Variants in MFAP5 observed in about 807,000 individuals in gnomAD.
MFAP5 encodes microfibril associated protein 5.
A neutral mutation model predicts 30.1 loss-of-function variants in MFAP5; 19 were observed. The observed-to-expected ratio is 0.63, with a 90% CI of 0.44 to 0.93. The LOEUF (loss-of-function observed/expected upper bound fraction) is 0.93. MFAP5 is among the 40% of genes least tolerant of loss of function. The pLI is 0.00. For synonymous variants in MFAP5, 92 were observed against 72.9 expected (o/e 1.26, Z -1.33); for missense variants, 210 against 221.3 (o/e 0.95, Z 0.32).
chr12:8,656,518 G>C (rs1399218190), intron 3 of MFAP5, among the ~76,000 whole-genome samples: 1 of 117,414 alleles, frequency 8.5e-6, no homozygotes. Flanking sequence ...AGCAATTTTC[G>C]TACCTCAGCT....
intron 3 of MFAP5, among the ~76,000 whole-genome samples, chr12:8,656,682 A>G (rs1329855595): frequency 9.2e-6 from 1 of 108,402 alleles, no homozygotes; most frequent in Non-Finnish European, 1.9e-5. Context: ...TTTTTTTTTG[A>G]GACAGAGTCT....
At chr12:8,658,992 C>CTTTTT (rs71045203) in intron 3 of MFAP5, among the ~76,000 whole-genome samples, 35 of 123,716 alleles carry the variant, frequency 2.8e-4, no homozygotes, top group Non-Finnish European at 3.6e-4. Flanking sequence ...CCACACCTGG[C>CTTTTT]TTTTTTTTTT....
At chr12:8,658,072 G>A (rs1353914077) in intron 3 of MFAP5, among the ~76,000 whole-genome samples, 1 of 152,076 alleles carries the variant, frequency 6.6e-6, no homozygotes, top group Non-Finnish European at 1.5e-5. Context: ...GGTTTGGCTG[G>A]GCTTCATGGT....
chr12:8,662,510 T>A (rs1942184681), intron 1 of MFAP5, 117 bp downstream of exon 1: 1 of 215,716 alleles, frequency 4.6e-6, no homozygotes. Context: ...TTGGGAGGTC[T>A]GCTCAAGACT....
chr12:8,662,476 C>T (rs1942183771), intron 1 of MFAP5, 151 bp downstream of exon 1: 1 of 219,150 alleles, frequency 4.6e-6, no homozygotes, highest in Non-Finnish European at 9.1e-6. Context: ...CTTGGCGTCT[C>T]CTTCATCAGA....
chr12:8,651,845 A>G (rs963914114), intron 6 of MFAP5, 154 bp from the exon 7 acceptor site: 2 of 667,772 alleles, frequency 3.0e-6, no homozygotes, highest in Non-Finnish European at 5.2e-6. Context: ...GAAAACCCTT[A>G]TTGAGCTGAT....
intron 7 of MFAP5, among the ~76,000 whole-genome samples, chr12:8,651,063 A>G (rs1941825573): frequency 6.6e-6 from 1 of 152,166 alleles, no homozygotes; most frequent in African/African-American, 2.4e-5. Flanking sequence ...GCTACTCGGG[A>G]GGCTGAGGCG....
chr12:8,662,028 C>T lies in MFAP5; in HGVS notation c.58+19G>A. 6.2e-7 allele frequency: 1 copy of T among 1,612,360 alleles called. No individual in the cohort carries two copies. The highest frequency in any genetic ancestry group is 8.5e-7 in the Non-Finnish European group (1 of 1,178,990). Reference sequence around the variant, plus strand: ...GCTGAGGAGCTGAGGGTTTAGGGAGCAAAGAATAAAGGACTCACCAGAGGT... The same window carrying T: ...GCTGAGGAGCTGAGGGTTTAGGGAGTAAAGAATAAAGGACTCACCAGAGGT... On this transcript the variant is annotated intron_variant, in intron 2 of 9. Coordinates refer to ENST00000359478, the MANE Select transcript of MFAP5 (RefSeq NM_003480.4).
chr12:8,655,741 C>T (rs1375599160), intron 4 of MFAP5, 45 bp downstream of exon 4: 1 of 1,582,718 alleles, frequency 6.3e-7, no homozygotes, highest in East Asian at 2.2e-5. Flanking sequence ...TTTATCTATC[C>T]CCAATAAAAC....
intron 6 of MFAP5, among the ~76,000 whole-genome samples, chr12:8,652,235 A>C (rs1941857193): frequency 6.6e-6 from 1 of 152,078 alleles, no homozygotes; most frequent in African/African-American, 2.4e-5. Context: ...ATTTGAGGTC[A>C]GGAGTTTGAG....
chr12:8,662,323 G>T, intron 1 of MFAP5: 2 of 542,644 alleles, frequency 3.7e-6, no homozygotes, highest in Non-Finnish European at 6.5e-6. Flanking sequence ...CATTATTCTT[G>T]CTTTTATTAT....
intron 8 of MFAP5, 149 bp downstream of exon 8, chr12:8,650,353 T>A (rs1941799627): frequency 3.0e-6 from 2 of 676,420 alleles, no homozygotes; most frequent in Non-Finnish European, 5.3e-6. Flanking sequence ...CAGGTTCTAG[T>A]TGGTACATTC....
At chr12:8,651,610 A>C (rs1941840553) in intron 7 of MFAP5, 52 bp downstream of exon 7, 1 of 1,572,228 alleles carries the variant, frequency 6.4e-7, no homozygotes, top group Non-Finnish European at 8.8e-7. Context: ...GGAGGTAAGG[A>C]ATCCACAGGA....
chr12:8,649,826 G>A (rs953894959), intron 8 of MFAP5, among the ~76,000 whole-genome samples: 2 of 152,062 alleles, frequency 1.3e-5, no homozygotes. Flanking sequence ...GGTGGTTTTT[G>A]GTTACATGGA....
intron 3 of MFAP5, among the ~76,000 whole-genome samples, chr12:8,656,732 G>T (rs1210541200): frequency 2.2e-5 from 3 of 137,374 alleles, no homozygotes; most frequent in Non-Finnish European, 4.6e-5. Flanking sequence ...AGCAGCGCAC[G>T]ATCTCGGCTC....
intron 3 of MFAP5, among the ~76,000 whole-genome samples, chr12:8,659,310 A>G (rs1450151237): frequency 7.2e-6 from 1 of 138,050 alleles, no homozygotes; most frequent in Non-Finnish European, 1.5e-5. Context: ...CTCTGTCTCG[A>G]AAAAAAAAAA....
At chr12:8,656,135 A>C (rs1941977622) in intron 3 of MFAP5, among the ~76,000 whole-genome samples, 1 of 139,674 alleles carries the variant, frequency 7.2e-6, no homozygotes, top group South Asian at 2.2e-4. Flanking sequence ...ATCTCGGCTC[A>C]CTGCAAGCTC....
chr12:8,653,753 T>C (rs962847506), intron 6 of MFAP5, among the ~76,000 whole-genome samples: 2 of 152,234 alleles, frequency 1.3e-5, no homozygotes, highest in Non-Finnish European at 2.9e-5. Context: ...GTCTATCTTG[T>C]ATATTACACA....
intron 6 of MFAP5, among the ~76,000 whole-genome samples, chr12:8,653,206 A>G (rs1279375936): frequency 1.3e-5 from 2 of 151,608 alleles, no homozygotes; most frequent in African/African-American, 2.4e-5. Context: ...AAAAAAAAAA[A>G]AGAAAAAAGA....
Sources: gnomAD v4.1 joint callset for allele counts (sites outside exome capture counted in the v4.1 genomes callset) on GRCh38, gnomAD v4.1.1 for gene constraint, MANE v1.5 for transcripts, NCBI Gene and HGNC (gene_info 2026-07-23, HGNC 2026-07-21) for gene names.